DOCK3: variants seen among roughly 807,000 people sequenced by gnomAD.
DOCK3 encodes dedicator of cytokinesis 3, also known as dedicator of cytokinesis protein 3.
In DOCK3, 60 loss-of-function variants were observed where a neutral mutation model predicts 265.6. The observed-to-expected ratio is 0.23, with a 90% CI of 0.18 to 0.28. The LOEUF (loss-of-function observed/expected upper bound fraction) is 0.28, where lower values mean the gene tolerates loss of function less well. Ranked by LOEUF, DOCK3 falls within the 10% of genes least tolerant of loss-of-function variation. The pLI is 1.00. For synonymous variants in DOCK3, 881 were observed against 938.0 expected (o/e 0.94, Z 1.11); for missense variants, 1,981 against 2,594.3 (o/e 0.76, Z 5.14).
At chr3:51,199,378 G>T (rs2088550162) in intron 12 of DOCK3, among the ~76,000 whole-genome samples, 1 of 152,226 alleles carries the variant, frequency 6.6e-6, no homozygotes, top group South Asian at 2.1e-4. Context: ...GACACATCAG[G>T]AGATTATATC....
intron 1 of DOCK3, among the ~76,000 whole-genome samples, chr3:50,745,071 A>G (rs1254019238): frequency 6.6e-6 from 1 of 152,064 alleles, no homozygotes; most frequent in Non-Finnish European, 1.5e-5. Flanking sequence ...TAAATTTAGG[A>G]TGTATTTTTC....
chr3:51,248,777 T>C (rs1426504162), intron 22 of DOCK3, among the ~76,000 whole-genome samples: 1 of 144,252 alleles, frequency 6.9e-6, no homozygotes, highest in Non-Finnish European at 1.5e-5. Context: ...CCATCACATC[T>C]AGGAAGTGAG....
chr3:51,260,293 C>G lies in DOCK3; in HGVS notation c.2322C>G (p.Asp774Glu). The G allele has an allele frequency of 6.2e-7, 1 of 1,613,932 alleles. No individual in the cohort carries two copies. Among genetic ancestry groups the G allele is most frequent in the Non-Finnish European group, 8.5e-7 (1 of 1,179,864 alleles). ...CCATCCGGTTTGTGCTCAGTCTGGACAGCCGAAACTCAGAAACACTCCTTT... is the reference window on the plus strand; with the variant it reads ...CCATCCGGTTTGTGCTCAGTCTGGAGAGCCGAAACTCAGAAACACTCCTTT... Reference protein sequence around the residue: ...FQSIRFVLSLDSRNSETLLFT... With the variant: ...FQSIRFVLSLESRNSETLLFT... The change falls in exon 23 of 53, where the codon GAC becomes GAG. Residue 774 changes from aspartate (D) to glutamate (E), a missense_variant. Asp to Glu is a conservative substitution (Grantham distance 45, BLOSUM62 2). Coordinates refer to ENST00000266037, the MANE Select transcript of DOCK3 (RefSeq NM_004947.5).
chr3:51,057,165 T>C (rs1560000074), intron 5 of DOCK3, among the ~76,000 whole-genome samples: 1 of 152,242 alleles, frequency 6.6e-6, no homozygotes, highest in Non-Finnish European at 1.5e-5. Context: ...AAAAATTATC[T>C]TTAAAACAGG....
chr3:51,011,636 TCTC>T (rs2078955700), intron 5 of DOCK3, among the ~76,000 whole-genome samples: 3 of 152,330 alleles, frequency 2.0e-5, no homozygotes, highest in South Asian at 2.1e-4. Context: ...TCAAAGTCAT[TCTC>T]TATCCAGCTT....
chr3:50,940,289 CAAA>C (rs34253657), intron 5 of DOCK3, among the ~76,000 whole-genome samples: 58 of 117,322 alleles, frequency 4.9e-4, no homozygotes, highest in East Asian at 2.2e-3. Flanking sequence ...CCATTTCTAC[CAAA>C]AAAAAAAAAA....
intron 2 of DOCK3, among the ~76,000 whole-genome samples, chr3:50,807,324 T>C (rs1306288897): frequency 6.6e-6 from 1 of 151,216 alleles, no homozygotes; most frequent in East Asian, 2.0e-4. Flanking sequence ...GGTACAATTA[T>C]AGCTCACTGC....
intron 1 of DOCK3, among the ~76,000 whole-genome samples, chr3:50,683,468 G>A (rs768140784): frequency 1.6e-4 from 25 of 152,298 alleles, no homozygotes; most frequent in Admixed American, 3.9e-4. Context: ...GTCCTAGAGG[G>A]GAATTATGTC....
chr3:51,181,936 A>G (rs1425282220), intron 12 of DOCK3, among the ~76,000 whole-genome samples: 1 of 152,234 alleles, frequency 6.6e-6, no homozygotes, highest in African/African-American at 2.4e-5. Flanking sequence ...TGTTGATGCC[A>G]GTTCTGCTGG....
chr3:50,813,846 A>G (rs2043906025), intron 2 of DOCK3, among the ~76,000 whole-genome samples: 1 of 152,254 alleles, frequency 6.6e-6, no homozygotes, highest in African/African-American at 2.4e-5. Context: ...CAGAATACTC[A>G]CTATATGAAT....
Position 51,361,469 on chromosome 3 carries a change from T to C in DOCK3, c.5007-390T>C, listed in dbSNP as rs1184265555. Among the ~76,000 whole-genome samples the C allele has an allele frequency of 1.4e-5, 2 of 139,544 alleles. No homozygotes were observed. Among genetic ancestry groups the C allele is most frequent in the East Asian group, 4.8e-4 (2 of 4,154 alleles). 91.5% of individuals were successfully genotyped at this position (139,544 alleles called of 152,430 possible). Reference sequence around the variant, plus strand: ...TCTGACCAAGAAGCAGATCCCATCATGGTGTGGGGGGGTTGGGGGGTGGGC... The same window carrying C: ...TCTGACCAAGAAGCAGATCCCATCACGGTGTGGGGGGGTTGGGGGGTGGGC... On this transcript the variant is annotated intron_variant, in intron 47 of 52. Transcript: ENST00000266037. This position sits in a 1 kb window ranked among gnomAD's most constrained non-coding sequence, Gnocchi z 4.2.
chr3:50,742,875 A>C (rs1378514625), intron 1 of DOCK3, among the ~76,000 whole-genome samples: 1 of 152,138 alleles, frequency 6.6e-6, no homozygotes, highest in East Asian at 1.9e-4. Context: ...GAGAAGAGCA[A>C]CTCCAAGACA....
Position 51,260,378 on chromosome 3 carries a change from TG to T in DOCK3, c.2355+54del. ...TGCTGGGTTCCTCTTTCTCAGTGGG[TG>T]GTTTCTTTGTCCTCTGGTTTTCAGA... On this transcript the variant is annotated intron_variant, in intron 23 of 52. Transcript: ENST00000266037. 5 of 1,535,974 alleles carry T rather than the reference TG, an allele frequency of 3.3e-6. 2 individuals carry two copies. In the South Asian group the frequency reaches 6.3e-5, roughly 19 times the overall value.
At chr3:50,801,348 GAGCAGGTAATTGGAATGAGTTAGGGTGC>G in intron 2 of DOCK3, among the ~76,000 whole-genome samples, 1 of 152,070 alleles carries the variant, frequency 6.6e-6, no homozygotes, top group African/African-American at 2.4e-5. Flanking sequence ...GGTTATGGCA[GAGCAGGTAATTGGAATGAGTTAGGGTGC>G]AGCAGGTAAT....
chr3:51,201,313 T>G (rs1260539960), intron 12 of DOCK3, among the ~76,000 whole-genome samples: 1 of 150,194 alleles, frequency 6.7e-6, no homozygotes, highest in Non-Finnish European at 1.5e-5. Flanking sequence ...AGGCTCAAAA[T>G]AAAAGGATGG....
chr3:51,086,083 A>T (rs1275805562), intron 7 of DOCK3, among the ~76,000 whole-genome samples: 1 of 152,200 alleles, frequency 6.6e-6, no homozygotes, highest in Non-Finnish European at 1.5e-5. Context: ...ACAGAGATTT[A>T]CCCATGTATT....
At chr3:51,099,331 T>G (rs2082990467) in intron 9 of DOCK3, among the ~76,000 whole-genome samples, 1 of 152,248 alleles carries the variant, frequency 6.6e-6, no homozygotes, top group African/African-American at 2.4e-5. Flanking sequence ...CAGAAACTGC[T>G]GTTCTGTATA....
Position 51,228,687 on chromosome 3 carries a change from C to A in DOCK3, c.1674C>A (p.Asn558Lys), listed in dbSNP as rs1036935734. The change falls in exon 18 of 53, where the codon AAC becomes AAA. Residue 558 changes from asparagine (N) to lysine (K), a missense_variant. This residue lies in a region of DOCK3 where 1,357 missense variants were observed against 1,866.8 expected (regional missense o/e 0.73). Coordinates refer to ENST00000266037, the MANE Select transcript of DOCK3 (RefSeq NM_004947.5). Reference protein sequence around the residue: ...YKCDENSTFNNHALYLGLPCC... With the variant: ...YKCDENSTFNKHALYLGLPCC... The stretch of plus-strand genomic sequence containing the variant: ...GTGATGAGAATAGCACGTTTAATAA[C>A]CATGCTCTGTACCTGGGCCTGCCCT... The A allele has an allele frequency of 3.1e-6, 5 of 1,613,736 alleles. No homozygotes were observed. The South Asian group carries it at 5.5e-5, about 18-fold the overall frequency.
chr3:51,290,228 A>G (rs2081655338), intron 27 of DOCK3, among the ~76,000 whole-genome samples: 1 of 152,206 alleles, frequency 6.6e-6, no homozygotes, highest in Admixed American at 6.5e-5. Context: ...ATAAAGGCAC[A>G]TGCACATGTA....
Sources: gnomAD v4.1 joint callset for allele counts (sites outside exome capture counted in the v4.1 genomes callset) on GRCh38, gnomAD v4.1.1 for gene constraint, gnomAD v4.1.1 regional missense constraint, Gnocchi (gnomAD v3.1) non-coding constraint, MANE v1.5 for transcripts, NCBI Gene and HGNC (gene_info 2026-07-23, HGNC 2026-07-21) for gene names.